Variants in PCDH9 observed in about 807,000 individuals in gnomAD.
PCDH9 encodes the protein protocadherin 9.
In PCDH9, 24 loss-of-function variants were observed where a neutral mutation model predicts 70.6. That is an observed-to-expected ratio of 0.34 (90% CI 0.25 to 0.48). The LOEUF (loss-of-function observed/expected upper bound fraction) is 0.48, where lower values mean the gene tolerates loss of function less well. PCDH9 is among the 20% of genes least tolerant of loss of function. PCDH9 has a pLI of 0.99. For synonymous variants in PCDH9, 562 were observed against 558.5 expected (o/e 1.01, Z -0.09); for missense variants, 1,281 against 1,503.6 (o/e 0.85, Z 2.45).
At chr13:67,181,759 C>G (rs1402407362) in intron 2 of PCDH9, among the ~76,000 whole-genome samples, 1 of 151,946 alleles carries the variant, frequency 6.6e-6, no homozygotes, top group Non-Finnish European at 1.5e-5. Flanking sequence ...AAAAATTAGG[C>G]CATAAAAAAA....
intron 3 of PCDH9, among the ~76,000 whole-genome samples, chr13:66,775,122 CT>C (rs1473251588): frequency 6.6e-6 from 1 of 152,122 alleles, no homozygotes; most frequent in Non-Finnish European, 1.5e-5. Context: ...CACAGTGTTT[CT>C]TTTAAAAATG....
chr13:66,982,660 C>T (rs1304763456), intron 2 of PCDH9, among the ~76,000 whole-genome samples: 2 of 152,154 alleles, frequency 1.3e-5, no homozygotes, highest in African/African-American at 4.8e-5. Context: ...TCTGCCACCT[C>T]TGTCGAAACT....
chr13:66,886,529 C>A (rs1009365036), intron 3 of PCDH9, among the ~76,000 whole-genome samples: 2 of 152,146 alleles, frequency 1.3e-5, no homozygotes, highest in Non-Finnish European at 2.9e-5. Flanking sequence ...CCATCCACAG[C>A]TGAGTGATTC....
chr13:66,431,639 C>T (rs1957772024), intron 4 of PCDH9, among the ~76,000 whole-genome samples: 1 of 151,982 alleles, frequency 6.6e-6, no homozygotes, highest in African/African-American at 2.4e-5. Flanking sequence ...TTTAACAATA[C>T]ACATTGACAC....
chr13:66,966,180 A>T (rs933594670), intron 2 of PCDH9, among the ~76,000 whole-genome samples: 1 of 152,154 alleles, frequency 6.6e-6, no homozygotes, highest in African/African-American at 2.4e-5. Flanking sequence ...CTCAGTACAC[A>T]CAAAATCTTG....
intron 3 of PCDH9, among the ~76,000 whole-genome samples, chr13:66,705,267 A>G (rs1023729953): frequency 1.3e-5 from 2 of 152,220 alleles, no homozygotes. Context: ...AAAATGAAGA[A>G]CAAAGGAAAA....
intron 3 of PCDH9, among the ~76,000 whole-genome samples, chr13:66,669,742 A>G (rs1445469074): frequency 6.6e-6 from 1 of 152,206 alleles, no homozygotes; most frequent in Non-Finnish European, 1.5e-5. Flanking sequence ...TGGATCTTTT[A>G]ACCATCAGGC....
intron 4 of PCDH9, among the ~76,000 whole-genome samples, chr13:66,373,971 G>A (rs192608398): frequency 3.0e-4 from 45 of 152,138 alleles, no homozygotes; most frequent in East Asian, 5.8e-4. Context: ...AGTGTTTTGC[G>A]TACAAGAAAG....
intron 2 of PCDH9, among the ~76,000 whole-genome samples, chr13:66,950,362 A>C (rs1200037707): frequency 6.6e-6 from 1 of 152,160 alleles, no homozygotes; most frequent in Non-Finnish European, 1.5e-5. Flanking sequence ...CAGAAATGCT[A>C]ATTTCCTCAT....
chr13:66,336,544 A>G (rs1322621247), intron 4 of PCDH9, among the ~76,000 whole-genome samples: 1 of 152,118 alleles, frequency 6.6e-6, no homozygotes, highest in Non-Finnish European at 1.5e-5. Flanking sequence ...TAGCCTATGG[A>G]TGCTTTTAAA....
chr13:66,994,661 T>G (rs1251140264), intron 2 of PCDH9, among the ~76,000 whole-genome samples: 2 of 152,226 alleles, frequency 1.3e-5, no homozygotes, highest in Non-Finnish European at 2.9e-5. Flanking sequence ...GGCTGGGGAC[T>G]TCTGAGAGCA....
chr13:66,710,263 T>C (rs2078774707), intron 3 of PCDH9, among the ~76,000 whole-genome samples: 1 of 152,160 alleles, frequency 6.6e-6, no homozygotes, highest in South Asian at 2.1e-4. Context: ...TTCTATTAAT[T>C]ATAACTATGG....
intron 4 of PCDH9, among the ~76,000 whole-genome samples, chr13:66,502,646 C>CCGTTA (rs1214256569): frequency 3.1e-3 from 17 of 5,456 alleles, no homozygotes; most frequent in East Asian, 0.042. Flanking sequence ...AGTGAAATAG[C>CCGTTA]AGTTAATGAA....
intron 3 of PCDH9, among the ~76,000 whole-genome samples, chr13:66,724,953 G>T (rs151297838): frequency 1.1e-4 from 16 of 152,222 alleles, no homozygotes; most frequent in African/African-American, 3.9e-4. Flanking sequence ...CAATGTTTGA[G>T]ATTTAAATAT....
intron 3 of PCDH9, among the ~76,000 whole-genome samples, chr13:66,774,795 C>T (rs2079864333): frequency 6.6e-6 from 1 of 152,194 alleles, no homozygotes; most frequent in Non-Finnish European, 1.5e-5. Flanking sequence ...ACAATTATCC[C>T]TGTCCTCCTA....
chr13:66,310,913 T>G (rs1385924725), intron 4 of PCDH9, among the ~76,000 whole-genome samples: 1 of 152,076 alleles, frequency 6.6e-6, no homozygotes, highest in African/African-American at 2.4e-5. Flanking sequence ...CATCACTATT[T>G]TTATGCAAAA....
At chr13:66,783,885 T>C (rs1359627565) in intron 3 of PCDH9, among the ~76,000 whole-genome samples, 3 of 152,140 alleles carry the variant, frequency 2.0e-5, no homozygotes, top group Non-Finnish European at 4.4e-5. Context: ...CATAATTGTT[T>C]CTTTTAAATT....
intron 2 of PCDH9, among the ~76,000 whole-genome samples, chr13:66,952,164 C>T (rs1159231523): frequency 6.6e-6 from 1 of 152,150 alleles, no homozygotes; most frequent in Non-Finnish European, 1.5e-5. Context: ...TAGCAGAATG[C>T]TGACAGCACA....
At chr13:66,741,836 T>G in intron 3 of PCDH9, among the ~76,000 whole-genome samples, 1 of 108,158 alleles carries the variant, frequency 9.2e-6, no homozygotes, top group African/African-American at 3.3e-5. Flanking sequence ...CTCACGGAAA[T>G]AAAAGAGGAT....
Sources: gnomAD v4.1 joint callset for allele counts (sites outside exome capture counted in the v4.1 genomes callset) on GRCh38, gnomAD v4.1.1 for gene constraint, MANE v1.5 for transcripts, NCBI Gene and HGNC (gene_info 2026-07-23, HGNC 2026-07-21) for gene names.